Variants in ALDH1L1 observed in about 807,000 individuals in gnomAD.
ALDH1L1 encodes the protein cytosolic 10-formyltetrahydrofolate dehydrogenase.
Under a neutral mutation model 101.1 loss-of-function variants are expected in ALDH1L1, and 68 were observed. The ratio of observed to expected loss-of-function variants is 0.67; its 90% CI spans 0.55 to 0.82. The LOEUF (loss-of-function observed/expected upper bound fraction) is 0.82. Among genes scored for constraint, ALDH1L1 ranks in the 40% least tolerant of loss-of-function variants. ALDH1L1 has a pLI of 0.00. For missense variants in ALDH1L1, 1,087 were observed against 1,172.7 expected (o/e 0.93, Z 1.07); for synonymous variants, 486 against 470.8 (o/e 1.03, Z -0.42).
chr3:126,119,966 C>CACTG (rs2080046140), intron 16 of ALDH1L1, among the ~76,000 whole-genome samples: 1 of 152,254 alleles, frequency 6.6e-6, no homozygotes, highest in Non-Finnish European at 1.5e-5. Flanking sequence ...AAATCCACAA[C>CACTG]ACTGATGATG....
chr3:126,150,457 G>A lies in ALDH1L1; in HGVS notation c.933C>T (p.Ser311=). The part of the protein sequence containing the change: ...LASNFFKGAA[S]SVLELTEAEL... Reference sequence around the variant, plus strand: ...CTGCCTCTGTCAGCTCAAGGACACTGCTGGCTGCCCCCTTAAAGAAGTTCG... The same window carrying A: ...CTGCCTCTGTCAGCTCAAGGACACTACTGGCTGCCCCCTTAAAGAAGTTCG... Residue 311 remains serine, a synonymous_variant, in exon 8 of 23, where the codon AGC becomes AGT. Coordinates refer to ENST00000393434, the MANE Select transcript of ALDH1L1 (RefSeq NM_012190.4). 6.4e-7 allele frequency: 1 copy of A among 1,551,624 alleles called. No homozygotes were observed. Among genetic ancestry groups the A allele is most frequent in the Non-Finnish European group, 8.7e-7 (1 of 1,146,946 alleles).
chr3:126,122,632 T>C (rs965042508), intron 16 of ALDH1L1, among the ~76,000 whole-genome samples: 2 of 152,188 alleles, frequency 1.3e-5, no homozygotes, highest in African/African-American at 4.8e-5. Flanking sequence ...GTTTGTAACA[T>C]ATATAGATGT....
chr3:126,177,760 C>T (rs1192697888), intron 1 of ALDH1L1, among the ~76,000 whole-genome samples: 1 of 152,182 alleles, frequency 6.6e-6, no homozygotes, highest in Non-Finnish European at 1.5e-5. Flanking sequence ...ACAAAATTGG[C>T]CAGGCCTGGT....
chr3:126,149,676 C>T (rs2080770606), intron 8 of ALDH1L1, among the ~76,000 whole-genome samples: 1 of 152,206 alleles, frequency 6.6e-6, no homozygotes, highest in Non-Finnish European at 1.5e-5. Flanking sequence ...TGTTAACACC[C>T]AAGGTCCCCA....
intron 16 of ALDH1L1, among the ~76,000 whole-genome samples, chr3:126,123,704 T>C (rs1249953942): frequency 6.7e-6 from 1 of 149,284 alleles, no homozygotes; most frequent in Non-Finnish European, 1.5e-5. Flanking sequence ...AGGGGGAAAC[T>C]ATAAAAATAG....
chr3:126,190,021 G>A (rs565794215), intron 1 of ALDH1L1, among the ~76,000 whole-genome samples: 1 of 152,338 alleles, frequency 6.6e-6, no homozygotes, highest in East Asian at 1.9e-4. Flanking sequence ...TTTAGAGTTT[G>A]TCCAGTAACA....
At position 126,130,313 on chromosome 3, in the gene ALDH1L1, A is replaced by G; in HGVS notation, c.1624-20T>C. On this transcript the variant is annotated intron_variant, in intron 13 of 22. Coordinates refer to ENST00000393434, the MANE Select transcript of ALDH1L1 (RefSeq NM_012190.4). ...GGAGCCCTGGAAGAGGAACAGGGGCAGTCACCCAGGGGCCCAGGGTCCACA... is the reference window on the plus strand; with the variant it reads ...GGAGCCCTGGAAGAGGAACAGGGGCGGTCACCCAGGGGCCCAGGGTCCACA... 1.3e-6 allele frequency: 2 copies of G among 1,594,938 alleles called. No homozygotes were observed. Among genetic ancestry groups the G allele is most frequent in the East Asian group, 2.3e-5 (1 of 43,626 alleles).
chr3:126,120,155 G>A (rs1031211384), intron 16 of ALDH1L1, among the ~76,000 whole-genome samples: 4 of 152,344 alleles, frequency 2.6e-5, no homozygotes, highest in South Asian at 4.1e-4. Context: ...GAAAACTTAC[G>A]TCCACACCAA....
In ALDH1L1 at chr3:126,180,523, G is replaced by A; in HGVS notation, c.-71C>T. The A allele has an allele frequency of 9.8e-7, 1 of 1,018,898 alleles. No homozygotes were observed. Among genetic ancestry groups the A allele is most frequent in the Non-Finnish European group, 1.2e-6 (1 of 849,998 alleles). The allele number at this position is 1,018,898 out of a possible 1,614,324, so 63.1% of individuals were successfully genotyped here. On this transcript the variant is annotated 5_prime_UTR_variant, in exon 1 of 23. Coordinates refer to ENST00000393434, the MANE Select transcript of ALDH1L1 (RefSeq NM_012190.4). Reference sequence around the variant, plus strand: ...CGTCCCGGGCAGGTTAGACTTCTGTGAGCCGCAGCCCCGAAACTGAGGTTG... The same window carrying A: ...CGTCCCGGGCAGGTTAGACTTCTGTAAGCCGCAGCCCCGAAACTGAGGTTG...
intron 1 of ALDH1L1, among the ~76,000 whole-genome samples, chr3:126,177,043 G>C (rs1324070991): frequency 6.6e-6 from 1 of 152,168 alleles, no homozygotes; most frequent in African/African-American, 2.4e-5. Flanking sequence ...GTTAAATTAA[G>C]AGCACTGACA....
intron 1 of ALDH1L1, among the ~76,000 whole-genome samples, chr3:126,187,553 G>A (rs1188151346): frequency 6.6e-6 from 1 of 152,140 alleles, no homozygotes; most frequent in East Asian, 1.9e-4. Flanking sequence ...CCGTATTGAA[G>A]GCACACCTCA....
At chr3:126,114,685 G>T (rs375916034) in intron 17 of ALDH1L1, 29 bp from the exon 18 acceptor site, 3 of 1,547,450 alleles carry the variant, frequency 1.9e-6, no homozygotes, top group Admixed American at 1.9e-5. Flanking sequence ...TGGTGGGGCC[G>T]GTCCCTCCAG....
At chr3:126,132,016 C>T (rs530962980) in intron 12 of ALDH1L1, among the ~76,000 whole-genome samples, 1 of 152,374 alleles carries the variant, frequency 6.6e-6, no homozygotes, top group South Asian at 2.1e-4. Flanking sequence ...GGAGAGGTGG[C>T]CCCATCCCCA....
chr3:126,117,713 A>C (rs2079999052), intron 17 of ALDH1L1, among the ~76,000 whole-genome samples: 1 of 151,786 alleles, frequency 6.6e-6, no homozygotes, highest in African/African-American at 2.4e-5. Flanking sequence ...GAGCTATTTC[A>C]CTTTTTTGTG....
chr3:126,197,131 G>C (rs2081585902), intron 1 of ALDH1L1, among the ~76,000 whole-genome samples: 1 of 152,152 alleles, frequency 6.6e-6, no homozygotes, highest in Non-Finnish European at 1.5e-5. Flanking sequence ...TCAGGGACCT[G>C]CTGCAACACA....
intron 21 of ALDH1L1, among the ~76,000 whole-genome samples, chr3:126,106,481 C>T (rs1041154827): frequency 1.3e-5 from 2 of 152,194 alleles, no homozygotes; most frequent in African/African-American, 2.4e-5. Flanking sequence ...AGTGGCCCCA[C>T]TGTGAGTGGA....
intron 19 of ALDH1L1, among the ~76,000 whole-genome samples, chr3:126,110,687 C>T (rs890912265): frequency 1.3e-5 from 2 of 152,086 alleles, no homozygotes; most frequent in African/African-American, 4.8e-5. Flanking sequence ...AGGTGTGACT[C>T]GAGCACCCGG....
chr3:126,105,796 G>C lies in ALDH1L1; in HGVS notation c.2583C>G (p.Asn861Lys). The change falls in exon 22 of 23, where the codon AAC becomes AAG. Residue 861 changes from asparagine to lysine, a missense_variant. Transcript: ENST00000393434. Reference sequence around the variant, plus strand: ...CGGCCACGTCGGTCTTGTTGTACGTGTTGACAAACACAGTGCCTGCCTGGA... The same window carrying C: ...CGGCCACGTCGGTCTTGTTGTACGTCTTGACAAACACAGTGCCTGCCTGGA... ...DKLQAGTVFV[N>K]TYNKTDVAAP... The C allele has an allele frequency of 1.9e-6, 3 of 1,614,220 alleles. No individual in the cohort carries two copies. The highest frequency in any genetic ancestry group is 2.5e-6 in the Non-Finnish European group (3 of 1,180,044).
chr3:126,170,015 A>G (rs2081244523), intron 1 of ALDH1L1, among the ~76,000 whole-genome samples: 1 of 152,332 alleles, frequency 6.6e-6, no homozygotes, highest in Non-Finnish European at 1.5e-5. Context: ...AAGCCTAAAG[A>G]GCTGAGAAAG....
Sources: gnomAD v4.1 joint callset for allele counts (sites outside exome capture counted in the v4.1 genomes callset) on GRCh38, gnomAD v4.1.1 for gene constraint, MANE v1.5 for transcripts, NCBI Gene and HGNC (gene_info 2026-07-23, HGNC 2026-07-21) for gene names.